Variants in OTOGL observed in about 807,000 individuals in gnomAD.
OTOGL encodes the protein otogelin-like protein.
A neutral mutation model predicts 318.5 loss-of-function variants in OTOGL; 285 were observed. The observed-to-expected ratio is 0.89, with a 90% CI of 0.81 to 0.99. The LOEUF (loss-of-function observed/expected upper bound fraction) is 0.99. Among genes scored for constraint, OTOGL ranks in the 50% least tolerant of loss-of-function variants. The pLI is 0.00. For synonymous variants in OTOGL, 987 were observed against 936.5 expected, an observed-to-expected ratio of 1.05 and a Z score of -0.99; for missense variants, 2,899 against 2,845.6, an observed-to-expected ratio of 1.02 and a Z score of -0.43.
chr12:80,262,844 A>G (rs1454111566), intron 19 of OTOGL, among the ~76,000 whole-genome samples: 2 of 152,126 alleles, frequency 1.3e-5, no homozygotes, highest in African/African-American at 2.4e-5. Flanking sequence ...TACATGCTTA[A>G]ATATTCTTAT....
At chr12:80,253,251 C>A (rs1881732145) in intron 13 of OTOGL, among the ~76,000 whole-genome samples, 1 of 152,074 alleles carries the variant, frequency 6.6e-6, no homozygotes, top group Non-Finnish European at 1.5e-5. Context: ...GATGGCAAGT[C>A]ATGGGATAAG....
chr12:80,178,764 G>C (rs1347993013), intron 1 of OTOGL, among the ~76,000 whole-genome samples: 1 of 152,116 alleles, frequency 6.6e-6, no homozygotes, highest in African/African-American at 2.4e-5. Context: ...CTGGTCTCTG[G>C]TACCCTAACT....
chr12:80,124,761 G>A (rs961106231), intron 1 of OTOGL, among the ~76,000 whole-genome samples: 1 of 151,896 alleles, frequency 6.6e-6, no homozygotes, highest in Non-Finnish European at 1.5e-5. Context: ...CACATCCCTT[G>A]TAAGTTGGAT....
At chr12:80,251,543 T>C in intron 11 of OTOGL, 150 bp from the exon 12 acceptor site, 1 of 539,850 alleles carries the variant, frequency 1.9e-6, no homozygotes, top group Non-Finnish European at 3.2e-6. Context: ...TTGTACTTAA[T>C]AAGATATATT....
intron 1 of OTOGL, among the ~76,000 whole-genome samples, chr12:80,187,144 A>C (rs1875348212): frequency 6.6e-6 from 1 of 152,258 alleles, no homozygotes; most frequent in Non-Finnish European, 1.5e-5. Flanking sequence ...TCAGGCCTCA[A>C]CACGGACTTT....
intron 33 of OTOGL, among the ~76,000 whole-genome samples, chr12:80,319,269 G>A (rs1887173570): frequency 1.3e-5 from 2 of 152,092 alleles, no homozygotes; most frequent in Admixed American, 6.6e-5. Context: ...GTATCCACCT[G>A]GCACCTGTTC....
At chr12:80,268,104 T>C (rs1041458408) in intron 22 of OTOGL, among the ~76,000 whole-genome samples, 4 of 152,176 alleles carry the variant, frequency 2.6e-5, no homozygotes, top group Non-Finnish European at 4.4e-5. Flanking sequence ...TTATAAATTT[T>C]CTGTTGAAAA....
chr12:80,262,004 T>C lies in OTOGL; in HGVS notation c.1925T>C (p.Leu642Pro), dbSNP rs768987438. The part of the protein sequence containing the change: ...PSGMIEGTPQ[L>P]HANAWRVSST... The stretch of plus-strand genomic sequence containing the variant: ...GGCATGATAGAAGGTACACCACAAC[T>C]TCACGCAAATGCGTGGAGAGTTTCT... The change falls in exon 19 of 59, where the codon CTT (leucine) becomes CCT (proline). Residue 642 changes from leucine to proline, a missense_variant. Around this residue, in one of 3 missense-constraint regions of OTOGL, gnomAD observed 2,607 missense variants for 2,524.9 expected, o/e 1.03. Transcript: ENST00000547103. The C allele has an allele frequency of 1.2e-6, 2 of 1,613,072 alleles. No individual in the cohort carries two copies. The highest frequency in any genetic ancestry group is 8.5e-7 in the Non-Finnish European group (1 of 1,179,350).
At chr12:80,270,746 C>A (rs561333756) in intron 23 of OTOGL, among the ~76,000 whole-genome samples, 4 of 152,124 alleles carry the variant, frequency 2.6e-5, no homozygotes, top group Admixed American at 2.6e-4. Flanking sequence ...TTCAGAATGT[C>A]ATTTTAAATA....
At chr12:80,278,905 A>G in intron 25 of OTOGL, 123 bp from the exon 26 acceptor site, 1 of 1,113,870 alleles carries the variant, frequency 9.0e-7, no homozygotes, top group African/African-American at 1.6e-5. Flanking sequence ...TGAACTGGCA[A>G]TATTCGTAAG....
rs11343611 is a variant in OTOGL, at chr12:80,355,224, C to CTTTTTT, written c.5594-508_5594-507insTTTTTT. Among the ~76,000 whole-genome samples, 28 of 65,590 alleles carry CTTTTTT rather than the reference C, an allele frequency of 4.3e-4. 3 individuals carry two copies. The highest frequency in any genetic ancestry group is 6.2e-4 in the Non-Finnish European group (21 of 33,728). The allele number at this position is 65,590 out of a possible 152,430, so 43.0% of individuals were successfully genotyped here. A position where few individuals can be genotyped will look rare whatever the true frequency, so the allele number is the denominator to read the frequency against. On this transcript the variant is annotated intron_variant, in intron 46 of 58. Transcript: ENST00000547103. Reference sequence around the variant, plus strand: ...ACTTTTTTCTTTTCTTTCTTTCTTTCTTTTCTTTTTTTTTTTTTTTTTTTG... The same window carrying CTTTTTT: ...ACTTTTTTCTTTTCTTTCTTTCTTTCTTTTTTTTTTCTTTTTTTTTTTTTTTTTTTG...
intron 1 of OTOGL, chr12:80,189,459 G>A (rs1875525595): frequency 1.0e-6 from 1 of 984,918 alleles, no homozygotes; most frequent in Non-Finnish European, 1.2e-6. Context: ...AATGAGGTTG[G>A]ATTTTTTTTT....
chr12:80,176,728 A>G (rs1265720864), intron 1 of OTOGL, among the ~76,000 whole-genome samples: 1 of 152,082 alleles, frequency 6.6e-6, no homozygotes, highest in Non-Finnish European at 1.5e-5. Flanking sequence ...GTGTAGTTAG[A>G]TGCTTTCATT....
intron 1 of OTOGL, among the ~76,000 whole-genome samples, chr12:80,177,150 T>C (rs1284135846): frequency 6.6e-6 from 1 of 152,164 alleles, no homozygotes; most frequent in Non-Finnish European, 1.5e-5. Flanking sequence ...TTTGATGAAA[T>C]AAAATATAAT....
chr12:80,254,890 C>G (rs1249226917), intron 15 of OTOGL, 150 bp from the exon 16 acceptor site: 3 of 626,976 alleles, frequency 4.8e-6, no homozygotes, highest in African/African-American at 1.9e-5. Flanking sequence ...TTAAATACAA[C>G]ACAGTAGATT....
intron 52 of OTOGL, among the ~76,000 whole-genome samples, chr12:80,363,674 G>A (rs1331478136): frequency 6.6e-6 from 1 of 152,086 alleles, no homozygotes; most frequent in Non-Finnish European, 1.5e-5. Context: ...TGAGAGTAGA[G>A]GTCCTGGTAT....
At chr12:80,178,094 T>C (rs1196871473) in intron 1 of OTOGL, among the ~76,000 whole-genome samples, 4 of 139,274 alleles carry the variant, frequency 2.9e-5, no homozygotes, top group Non-Finnish European at 6.2e-5. Context: ...AGACAGAGTC[T>C]CTGTCATCCA....
At chr12:80,329,247 C>G in intron 37 of OTOGL, 128 bp downstream of exon 37, 1 of 698,840 alleles carries the variant, frequency 1.4e-6, no homozygotes, top group Non-Finnish European at 2.2e-6. Flanking sequence ...ACCCAGCAGT[C>G]ACTTTTGCTT....
chr12:80,367,245 G>A (rs897113956), intron 53 of OTOGL, among the ~76,000 whole-genome samples: 4 of 151,516 alleles, frequency 2.6e-5, no homozygotes, highest in African/African-American at 7.3e-5. Context: ...AAAGTACTGG[G>A]ATTATAGGCA....
Sources: allele counts gnomAD v4.1 joint callset (sites outside exome capture counted in the v4.1 genomes callset), GRCh38; gene constraint gnomAD v4.1.1; regional missense constraint gnomAD v4.1.1; transcripts MANE v1.5; gene names NCBI Gene and HGNC (gene_info 2026-07-23, HGNC 2026-07-21).